EIF4G3: variants seen among roughly 807,000 people sequenced by gnomAD.
The protein encoded by EIF4G3 is eukaryotic translation initiation factor 4 gamma 3, also known as eIF-4-gamma 3.
A neutral mutation model predicts 186.4 loss-of-function variants in EIF4G3; 34 were observed. The ratio of observed to expected loss-of-function variants is 0.18; its 90% confidence interval spans 0.14 to 0.24. The LOEUF (loss-of-function observed/expected upper bound fraction) is 0.24, where lower values mean the gene tolerates loss of function less well. Among genes scored for constraint, EIF4G3 ranks in the 10% least tolerant of loss-of-function variants. The pLI is 1.00. For synonymous variants in EIF4G3, 673 were observed against 679.5 expected, an observed-to-expected ratio of 0.99 and a Z score of 0.15; for missense variants, 1,536 against 1,948.5, an observed-to-expected ratio of 0.79 and a Z score of 3.99.
At chr1:21,058,795 T>A (rs1004101248) in intron 3 of EIF4G3, among the ~76,000 whole-genome samples, 1 of 137,100 alleles carries the variant, frequency 7.3e-6, no homozygotes, top group Non-Finnish European at 1.5e-5. Context: ...TCTCAAACTC[T>A]GAAACTCAAG....
At chr1:20,899,654 T>C in intron 16 of EIF4G3, 43 bp downstream of exon 16, 1 of 1,605,042 alleles carries the variant, frequency 6.2e-7, no homozygotes. Context: ...AAGGTTGCAG[T>C]AGAGGGATAA....
intron 2 of EIF4G3, among the ~76,000 whole-genome samples, chr1:21,141,697 G>T (rs748281865): frequency 2.6e-5 from 4 of 152,134 alleles, no homozygotes; most frequent in African/African-American, 9.7e-5. Flanking sequence ...GGGAAGCCAA[G>T]ACAGGAAGAT....
intron 2 of EIF4G3, among the ~76,000 whole-genome samples, chr1:21,165,558 A>T (rs1319989035): frequency 6.6e-6 from 1 of 152,236 alleles, no homozygotes; most frequent in Non-Finnish European, 1.5e-5. Flanking sequence ...CCCTGAAAAC[A>T]TTATGCTGAA....
chr1:20,969,319 G>T (rs2075351988), intron 12 of EIF4G3, among the ~76,000 whole-genome samples, 155 bp downstream of exon 12: 1 of 152,078 alleles, frequency 6.6e-6, no homozygotes, highest in South Asian at 2.1e-4. Flanking sequence ...TTTGCAAAGA[G>T]AAAAAACATG....
intron 14 of EIF4G3, among the ~76,000 whole-genome samples, chr1:20,940,996 CA>C (rs1274152414): frequency 6.6e-6 from 1 of 152,180 alleles, no homozygotes; most frequent in Non-Finnish European, 1.5e-5. Flanking sequence ...ATTATATTTT[CA>C]AAAATAGTTA....
chr1:20,899,619 C>T (rs1432905345), intron 16 of EIF4G3, 78 bp downstream of exon 16: 12 of 1,531,894 alleles, frequency 7.8e-6, no homozygotes, highest in African/African-American at 1.4e-5. Flanking sequence ...TCCAGTATCT[C>T]TCTAAAAAGA....
intron 15 of EIF4G3, among the ~76,000 whole-genome samples, chr1:20,900,303 A>C (rs1033506266): frequency 6.6e-6 from 1 of 152,200 alleles, no homozygotes; most frequent in Non-Finnish European, 1.5e-5. Context: ...ATTAAAGCTC[A>C]ACAAATATAA....
chr1:21,035,000 G>C (rs757968101), intron 4 of EIF4G3, among the ~76,000 whole-genome samples: 1 of 152,120 alleles, frequency 6.6e-6, no homozygotes, highest in Non-Finnish European at 1.5e-5. Context: ...TCCAGGCCCG[G>C]TGAGGGCCTG....
chr1:21,028,816 A>G (rs997499030), intron 4 of EIF4G3, among the ~76,000 whole-genome samples: 5 of 152,270 alleles, frequency 3.3e-5, no homozygotes, highest in Admixed American at 1.3e-4. Context: ...AGTGATTACT[A>G]AAAAGATTAT....
At chr1:21,152,542 C>G (rs1273923645) in intron 2 of EIF4G3, among the ~76,000 whole-genome samples, 1 of 151,994 alleles carries the variant, frequency 6.6e-6, no homozygotes, top group African/African-American at 2.4e-5. Flanking sequence ...TTCCCTTCAA[C>G]TCCCAGACTG....
chr1:20,832,595 G>A (rs1376700247), intron 30 of EIF4G3, among the ~76,000 whole-genome samples: 1 of 148,252 alleles, frequency 6.7e-6, no homozygotes, highest in African/African-American at 2.5e-5. Context: ...CTTTTGCTGT[G>A]CAGAAGCTCT....
At chr1:20,827,918 A>G (rs1034308302) in intron 31 of EIF4G3, among the ~76,000 whole-genome samples, 4 of 152,136 alleles carry the variant, frequency 2.6e-5, no homozygotes, top group African/African-American at 9.7e-5. Context: ...CACTTCAGTG[A>G]CAGAAGCAAC....
intron 2 of EIF4G3, among the ~76,000 whole-genome samples, chr1:21,107,461 C>T (rs563911127): frequency 1.3e-4 from 20 of 152,200 alleles, no homozygotes; most frequent in Non-Finnish European, 2.4e-4. Flanking sequence ...AATGAGCTAC[C>T]GGGCCCAACC....
intron 12 of EIF4G3, among the ~76,000 whole-genome samples, chr1:20,954,490 C>T (rs1022781353): frequency 1.7e-4 from 23 of 137,406 alleles, no homozygotes; most frequent in Non-Finnish European, 2.6e-4. Context: ...GAGCCGAGAT[C>T]GCGCCACTGC....
At chr1:20,821,136 T>C (rs2062239742) in intron 33 of EIF4G3, among the ~76,000 whole-genome samples, 1 of 152,228 alleles carries the variant, frequency 6.6e-6, no homozygotes, top group Non-Finnish European at 1.5e-5. Context: ...ACACTACTGC[T>C]TAAATACTTT....
intron 16 of EIF4G3, among the ~76,000 whole-genome samples, chr1:20,897,355 C>T (rs1247051066): frequency 1.3e-5 from 2 of 151,484 alleles, no homozygotes; most frequent in Admixed American, 6.6e-5. Flanking sequence ...CCTGATACAA[C>T]CCTTGGCTTC....
intron 2 of EIF4G3, among the ~76,000 whole-genome samples, chr1:21,121,454 G>A (rs2096923025): frequency 6.6e-6 from 1 of 151,992 alleles, no homozygotes; most frequent in Admixed American, 6.6e-5. Flanking sequence ...ACTGAGTATT[G>A]AACCTAATAT....
intron 2 of EIF4G3, among the ~76,000 whole-genome samples, chr1:21,171,557 T>G (rs71647193): frequency 1.3e-5 from 2 of 152,188 alleles, no homozygotes; most frequent in Admixed American, 6.5e-5. Flanking sequence ...CCTCTGCCTC[T>G]GCCCCATGTT....
At chr1:20,854,837 G>T in intron 26 of EIF4G3, 141 bp downstream of exon 26, 1 of 523,368 alleles carries the variant, frequency 1.9e-6, no homozygotes, top group Admixed American at 3.5e-5. Flanking sequence ...ATGTTGAAAG[G>T]AAAGGGCTAC....
Sources: gnomAD v4.1 joint callset for allele counts (sites outside exome capture counted in the v4.1 genomes callset) on GRCh38, gnomAD v4.1.1 for gene constraint, MANE v1.5 for transcripts, NCBI Gene and HGNC (gene_info 2026-07-23, HGNC 2026-07-21) for gene names.